The following CHST11 variants were observed in gnomAD, a reference collection of about 807,000 sequenced individuals.
CHST11 encodes C4S-1.
CHST11 carries 9 observed loss-of-function variants against 30.4 expected under a neutral mutation model. The ratio of observed to expected loss-of-function variants is 0.30; its 90% CI spans 0.18 to 0.52. The LOEUF (loss-of-function observed/expected upper bound fraction) is 0.52, where lower values mean the gene tolerates loss of function less well. CHST11 is among the 20% of genes least tolerant of loss of function. The probability of loss-of-function intolerance (pLI) is 0.97; values close to 1 mark genes in which losing one functional copy is unlikely to be tolerated. For synonymous variants in CHST11, 152 were observed against 187.8 expected (o/e 0.81, Z 1.56); for missense variants, 348 against 460.6 (o/e 0.76, Z 2.24).
intron 2 of CHST11, among the ~76,000 whole-genome samples, chr12:104,622,585 A>G (rs575093217): frequency 1.3e-5 from 2 of 152,330 alleles, no homozygotes; most frequent in East Asian, 1.9e-4. Context: ...TAAGCTCTTA[A>G]TAAATGTCAG....
intron 2 of CHST11, among the ~76,000 whole-genome samples, chr12:104,646,350 AT>A (rs2039430289): frequency 6.6e-6 from 1 of 151,954 alleles, no homozygotes; most frequent in Admixed American, 6.6e-5. Context: ...CTTGTCTTAA[AT>A]GTTGCTTTCT....
At chr12:104,531,686 G>C (rs2038186663) in intron 1 of CHST11, among the ~76,000 whole-genome samples, 1 of 152,020 alleles carries the variant, frequency 6.6e-6, no homozygotes, top group Non-Finnish European at 1.5e-5. Flanking sequence ...CAGGCCCATA[G>C]TATCCCTTGC....
At chr12:104,543,172 G>A (rs559965067) in intron 1 of CHST11, among the ~76,000 whole-genome samples, 9 of 152,304 alleles carry the variant, frequency 5.9e-5, no homozygotes, top group Non-Finnish European at 8.8e-5. Context: ...GCAAGAGAGA[G>A]GGGGAGGAGG....
intron 1 of CHST11, among the ~76,000 whole-genome samples, chr12:104,507,301 A>C (rs1565967573): frequency 6.6e-6 from 1 of 152,208 alleles, no homozygotes; most frequent in Non-Finnish European, 1.5e-5. Flanking sequence ...TCTTTCTCCC[A>C]GCCCAGTGGC....
chr12:104,630,030 T>G (rs1210435781), intron 2 of CHST11, among the ~76,000 whole-genome samples: 1 of 152,220 alleles, frequency 6.6e-6, no homozygotes, highest in African/African-American at 2.4e-5. Context: ...GAGATTGTCT[T>G]ACTTATTCCC....
chr12:104,521,116 T>A (rs1370763686), intron 1 of CHST11, among the ~76,000 whole-genome samples: 5 of 152,212 alleles, frequency 3.3e-5, no homozygotes, highest in Admixed American at 3.3e-4. Context: ...GCTCAATACA[T>A]ATTTGTAGAT....
At position 104,490,254 on chromosome 12, in the gene CHST11, C is replaced by T. The variant is rs182570208; in HGVS notation, c.118+32725C>T. Among the ~76,000 whole-genome samples, 50 of 152,262 alleles carry T rather than the reference C, an allele frequency of 3.3e-4. No individual in the cohort carries two copies. In the South Asian group the frequency reaches 6.8e-3, roughly 21 times the overall value. On this transcript the variant is annotated intron_variant, in intron 1 of 2. Coordinates refer to ENST00000303694, the MANE Select transcript of CHST11 (RefSeq NM_018413.6). ...TCACACATCTTGAACAGCCCTCATT[C>T]GTTATACTAACTTTCCCACCCTCTG...
At chr12:104,504,139 G>C (rs984162673) in intron 1 of CHST11, among the ~76,000 whole-genome samples, 2 of 152,092 alleles carry the variant, frequency 1.3e-5, no homozygotes, top group African/African-American at 4.8e-5. Context: ...ACACCCCCAG[G>C]GCAGTCATCA....
At chr12:104,625,849 G>C (rs1257326144) in intron 2 of CHST11, among the ~76,000 whole-genome samples, 1 of 152,120 alleles carries the variant, frequency 6.6e-6, no homozygotes, top group Non-Finnish European at 1.5e-5. Context: ...TCATTAATTT[G>C]AACCCTGCTA....
chr12:104,659,756 A>G (rs2039580564), intron 2 of CHST11, among the ~76,000 whole-genome samples: 1 of 152,128 alleles, frequency 6.6e-6, no homozygotes, highest in African/African-American at 2.4e-5. Context: ...GCTTGAGGCC[A>G]GAAGTTCGAG....
At position 104,600,899 on chromosome 12, in the gene CHST11, C is replaced by A. The variant is rs2038951748; in HGVS notation, c.119-1007C>A. 6.6e-6 allele frequency among the ~76,000 whole-genome samples: 1 copy of A among 151,024 alleles called. No homozygotes were observed. The highest frequency in any genetic ancestry group is 1.5e-5 in the Non-Finnish European group (1 of 67,748). Reference sequence around the variant, plus strand: ...TCTTCCTTCCCTCCCTTCTTCCCTCCTTCCTCCTTCTCGGCTTCCTTTTTT... The same window carrying A: ...TCTTCCTTCCCTCCCTTCTTCCCTCATTCCTCCTTCTCGGCTTCCTTTTTT... On this transcript the variant is annotated intron_variant, in intron 1 of 2. Coordinates refer to ENST00000303694, the MANE Select transcript of CHST11 (RefSeq NM_018413.6). This position sits in a 1 kb window ranked among gnomAD's most constrained non-coding sequence, Gnocchi z 4.1.
At chr12:104,714,403 T>C (rs1168044833) in intron 2 of CHST11, among the ~76,000 whole-genome samples, 1 of 152,242 alleles carries the variant, frequency 6.6e-6, no homozygotes. Flanking sequence ...TCAGTTTCAC[T>C]GTCTGCAAAC....
intron 2 of CHST11, among the ~76,000 whole-genome samples, chr12:104,707,028 T>C (rs2136117671): frequency 6.6e-6 from 1 of 152,314 alleles, no homozygotes; most frequent in South Asian, 2.1e-4. Flanking sequence ...GGCCACCTCC[T>C]TCTCATCATC....
At chr12:104,724,407 A>G (rs1176581980) in intron 2 of CHST11, among the ~76,000 whole-genome samples, 3 of 152,128 alleles carry the variant, frequency 2.0e-5, no homozygotes, top group African/African-American at 7.2e-5. Context: ...AGCCATGGCA[A>G]TGTGCTGAAT....
intron 1 of CHST11, among the ~76,000 whole-genome samples, chr12:104,507,310 G>A (rs1039777567): frequency 2.0e-5 from 3 of 152,184 alleles, no homozygotes; most frequent in African/African-American, 7.2e-5. Context: ...CAGCCCAGTG[G>A]CCCCACCTGG....
At position 104,757,582 on chromosome 12, in the gene CHST11, G is replaced by A. The variant is rs2040490431; in HGVS notation, c.838G>A (p.Glu280Lys). 2 of 1,614,146 alleles carry A rather than the reference G, an allele frequency of 1.2e-6. No individual in the cohort carries two copies. The highest frequency in any genetic ancestry group is 1.7e-6 in the Non-Finnish European group (2 of 1,180,034). Residue 280 changes from glutamate (E) to lysine (K), a missense_variant, in exon 3 of 3, where the codon GAG becomes AAG. Glu to Lys is a moderately conservative substitution (Grantham distance 56). Coordinates refer to ENST00000303694, the MANE Select transcript of CHST11 (RefSeq NM_018413.6). The surrounding 1 kb of genome is among the most constrained non-coding windows in gnomAD (Gnocchi z 6.5). ...CCACTATGACCTCGTGGGCAAGTAC[G>A]AGACACTGGAAGAGGATTCTAATTA... Reference protein sequence around the residue: ...HIHYDLVGKYETLEEDSNYVL... With the variant: ...HIHYDLVGKYKTLEEDSNYVL...
chr12:104,660,839 A>C (rs533135613), intron 2 of CHST11, among the ~76,000 whole-genome samples: 2 of 152,314 alleles, frequency 1.3e-5, no homozygotes, highest in South Asian at 4.1e-4. Context: ...GGGTGGAGCA[A>C]TACAGGGAAG....
chr12:104,690,857 G>C (rs928196844), intron 2 of CHST11, among the ~76,000 whole-genome samples: 1 of 151,970 alleles, frequency 6.6e-6, no homozygotes, highest in Non-Finnish European at 1.5e-5. Flanking sequence ...AAAGAGATAT[G>C]AGCAAGAGAA....
chr12:104,513,123 T>TTGGGGG (rs1555229063), intron 1 of CHST11, among the ~76,000 whole-genome samples: 2 of 3,384 alleles, frequency 5.9e-4, no homozygotes, highest in African/African-American at 1.5e-3. Flanking sequence ...ATGTCATGAC[T>TTGGGGG]GGGGGGGGGG....
Sources: gnomAD v4.1 joint callset for allele counts (sites outside exome capture counted in the v4.1 genomes callset) on GRCh38, gnomAD v4.1.1 for gene constraint, Gnocchi (gnomAD v3.1) non-coding constraint, MANE v1.5 for transcripts, NCBI Gene and HGNC (gene_info 2026-07-23, HGNC 2026-07-21) for gene names.